The following TCEA3 variants were observed in gnomAD, a reference collection of about 807,000 sequenced individuals.
TCEA3 encodes transcription elongation factor A3.
In TCEA3, 36 loss-of-function variants were observed where a neutral mutation model predicts 44.0. The ratio of observed to expected loss-of-function variants is 0.82; its 90% CI spans 0.63 to 1.08. The LOEUF is 1.08. TCEA3 is among the 50% of genes least tolerant of loss of function. TCEA3 has a pLI of 0.00. For missense variants in TCEA3, 392 were observed against 441.2 expected (o/e 0.89, Z 1.00); for synonymous variants, 162 against 159.7 (o/e 1.01, Z -0.11).
rs1638880047 is a variant in TCEA3 at position 23,387,425 on chromosome 1, G to GA, written c.820-7dup. On this transcript the variant is annotated splice_region_variant and splice_polypyrimidine_tract_variant and intron_variant, in intron 8 of 10. Coordinates refer to ENST00000450454, the MANE Select transcript of TCEA3 (RefSeq NM_003196.3). ...AGTTCATCACTGGCCATTTCCTGGAGAAAAAAGAGTCTACCCTTCAGGGCT... is the reference window on the plus strand; with the variant it reads ...AGTTCATCACTGGCCATTTCCTGGAGAAAAAAAGAGTCTACCCTTCAGGGCT... 2.5e-6 allele frequency: 4 copies of GA among 1,590,916 alleles called. No individual in the cohort carries two copies. Among genetic ancestry groups the GA allele is most frequent in the South Asian group, 2.3e-5 (2 of 87,596 alleles).
rs1639298587 is a variant in TCEA3 at position 23,398,894 on chromosome 1, G to A, written c.444-939C>T. Among the ~76,000 whole-genome samples, 16 of 151,780 alleles carry A rather than the reference G, an allele frequency of 1.1e-4. No individual in the cohort carries two copies. In the South Asian group the frequency reaches 3.3e-3, roughly 32 times the overall value. On this transcript the variant is annotated intron_variant, in intron 5 of 10. Coordinates refer to ENST00000450454, the MANE Select transcript of TCEA3 (RefSeq NM_003196.3). ...GCAATCCTCCCACCTTAGCCTCCAA[G>A]GAGCTGGGACCACAGGAGCACGCCA...
In TCEA3 at chr1:23,399,671, T is replaced by G. The variant is rs929393817; in HGVS notation, c.444-1716A>C. 4.2e-5 allele frequency among the ~76,000 whole-genome samples: 6 copies of G among 142,660 alleles called. No homozygotes were observed. In the East Asian group the frequency reaches 1.2e-3, roughly 28 times the overall value. 93.6% of individuals were successfully genotyped at this position (142,660 alleles called of 152,430 possible). On this transcript the variant is annotated intron_variant, in intron 5 of 10. Transcript: ENST00000450454. Reference sequence around the variant, plus strand: ...TCTACTTTTGCGATGTGAGAAACCTTTTTTTTTTTTTTTTGAGAGGGTGTC... The same window carrying G: ...TCTACTTTTGCGATGTGAGAAACCTGTTTTTTTTTTTTTTGAGAGGGTGTC...
chr1:23,424,214 G>A (rs1333915090), intron 1 of TCEA3, among the ~76,000 whole-genome samples: 2 of 135,310 alleles, frequency 1.5e-5, no homozygotes, highest in African/African-American at 5.5e-5. Context: ...CACACGCCAA[G>A]CCCTGGGACT....
rs1040388970 is a variant in TCEA3, at chr1:23,424,012, G to A, written c.69+553C>T. The A allele has an allele frequency of 1.3e-5, 5 of 377,286 alleles. No homozygotes were observed. The East Asian group carries it at 3.0e-4, about 23-fold the overall frequency. 23.4% of individuals were successfully genotyped at this position (377,286 alleles called of 1,614,324 possible). A position where few individuals can be genotyped will look rare whatever the true frequency, so the allele number is the denominator to read the frequency against. On this transcript the variant is annotated intron_variant, in intron 1 of 10. Coordinates refer to ENST00000450454, the MANE Select transcript of TCEA3 (RefSeq NM_003196.3). Reference sequence around the variant, plus strand: ...CCAAGGAAAGGGAAAATTGCCAAAAGAACCGCTCCTGACGCACCAAGCGGT... The same window carrying A: ...CCAAGGAAAGGGAAAATTGCCAAAAAAACCGCTCCTGACGCACCAAGCGGT...
At chr1:23,393,160 A>G (rs967366804) in intron 8 of TCEA3, among the ~76,000 whole-genome samples, 5 of 152,024 alleles carry the variant, frequency 3.3e-5, no homozygotes, top group Admixed American at 2.6e-4. Context: ...TCGTGCTCCT[A>G]TGAGAATCTA....
Position 23,396,722 on chromosome 1 carries a change from G to A in TCEA3, c.664+823C>T, listed in dbSNP as rs145737386. 3.0e-3 allele frequency among the ~76,000 whole-genome samples: 461 copies of A among 152,186 alleles called. 1 individual carries two copies. Among genetic ancestry groups the A allele is most frequent in the Admixed American group, 6.1e-3 (93 of 15,282 alleles). On this transcript the variant is annotated intron_variant, in intron 7 of 10. Transcript: ENST00000450454. ...GGAGTAAAAAAACAGAGGGCAGGGC[G>A]CTGGGTGTGATGGCTCACACCTGTA...
intron 5 of TCEA3, among the ~76,000 whole-genome samples, chr1:23,407,278 C>A: frequency 6.6e-6 from 1 of 152,182 alleles, no homozygotes; most frequent in East Asian, 1.9e-4. Context: ...CCATTACCTC[C>A]CTGATCCAAG....
chr1:23,391,815 C>T (rs562221632), intron 8 of TCEA3, among the ~76,000 whole-genome samples: 1 of 151,910 alleles, frequency 6.6e-6, no homozygotes, highest in East Asian at 1.9e-4. Flanking sequence ...CCCAGCTACT[C>T]GGGAGGCTGA....
chr1:23,386,950 G>C (rs1414200928), intron 9 of TCEA3, among the ~76,000 whole-genome samples: 1 of 152,100 alleles, frequency 6.6e-6, no homozygotes, highest in Admixed American at 6.5e-5. Context: ...TCAATCTCCT[G>C]ACCTCGTGAT....
At chr1:23,396,814 T>C (rs964745398) in intron 7 of TCEA3, among the ~76,000 whole-genome samples, 1 of 152,098 alleles carries the variant, frequency 6.6e-6, no homozygotes, top group Admixed American at 6.6e-5. Flanking sequence ...AAGACCAGCC[T>C]GACCAACATC....
rs768229035 is a variant in TCEA3 at position 23,384,440 on chromosome 1, A to G, written c.967-23T>C. 14 of 1,610,476 alleles carry G rather than the reference A, an allele frequency of 8.7e-6. No homozygotes were observed. In the African/African-American group the frequency reaches 1.7e-4, roughly 20 times the overall value. On this transcript the variant is annotated intron_variant, in intron 9 of 10. Transcript: ENST00000450454. The stretch of plus-strand genomic sequence containing the variant: ...CACCTGAGAGAGAGAAGAACCACTC[A>G]TGAAGTCACTCCCCTGTTCTAGGAC...
In TCEA3 at chr1:23,384,408, G is replaced by C; in HGVS notation, c.976C>G (p.Arg326Gly). The change falls in exon 10 of 11, where the codon CGC (arginine) becomes GGC (glycine). Residue 326 changes from arginine (R) to glycine (G), a missense_variant. Physicochemically the swap from Arg to Gly is moderately radical, Grantham distance 125. Transcript: ENST00000450454. ...KNCTYNQVQT[R>G]SADEPMTTFV... ...GTAGTCATGGGCTCATCAGCACTGC[G>C]TGTCTGCACCTGAGAGAGAGAAGAA... 1.2e-6 allele frequency: 2 copies of C among 1,613,054 alleles called. No homozygotes were observed. Among genetic ancestry groups the C allele is most frequent in the Non-Finnish European group, 1.7e-6 (2 of 1,179,456 alleles).
At chr1:23,402,997 G>C (rs1322158759) in intron 5 of TCEA3, among the ~76,000 whole-genome samples, 3 of 152,144 alleles carry the variant, frequency 2.0e-5, no homozygotes, top group African/African-American at 4.8e-5. Context: ...CTAAGAGAGG[G>C]ATCTCTCTCT....
At chr1:23,419,529 C>G (rs968523105) in intron 1 of TCEA3, 2 of 170,492 alleles carry the variant, frequency 1.2e-5, no homozygotes, top group African/African-American at 4.7e-5. Context: ...GACTGGGAGC[C>G]TTTTAAAAAA....
In TCEA3 at chr1:23,381,491, G is replaced by T; in HGVS notation, c.1039-17C>A. ...TCAGCAGAACTACAAAACCAGAAAG[G>T]CAACAAAATTTGAAAGGTTTCTCGG... On this transcript the variant is annotated splice_polypyrimidine_tract_variant and intron_variant, in intron 10 of 10. Coordinates refer to ENST00000450454, the MANE Select transcript of TCEA3 (RefSeq NM_003196.3). 1.3e-6 allele frequency: 1 copy of T among 780,788 alleles called. No individual in the cohort carries two copies. The highest frequency in any genetic ancestry group is 1.3e-5 in the South Asian group (1 of 74,604). The allele number at this position is 780,788 out of a possible 1,614,324, so 48.4% of individuals were successfully genotyped here.
chr1:23,389,148 A>C (rs75004161), intron 8 of TCEA3, among the ~76,000 whole-genome samples: 5,420 of 152,232 alleles, frequency 0.036, 324 homozygotes, highest in African/African-American at 0.12. Flanking sequence ...AGCTGACTTT[A>C]ATTTGAGGGG....
chr1:23,402,977 C>T lies in TCEA3; in HGVS notation c.444-5022G>A, dbSNP rs536527772. On this transcript the variant is annotated intron_variant, in intron 5 of 10. Transcript: ENST00000450454. Reference sequence around the variant, plus strand: ...CCTCTTTGGAAGGACAGTGGCCCCACTCTCTGGGCCTAAGAGAGGGATCTC... The same window carrying T: ...CCTCTTTGGAAGGACAGTGGCCCCATTCTCTGGGCCTAAGAGAGGGATCTC... 2.6e-4 allele frequency among the ~76,000 whole-genome samples: 40 copies of T among 152,344 alleles called. No homozygotes were observed. In the South Asian group the frequency reaches 6.0e-3, roughly 23 times the overall value.
rs759826041 is a variant in TCEA3, at chr1:23,418,023, G to T, written c.133-14C>A. ...AATCCTGGTTGTCTGCAAAGTGAGAGGGTTAAGGCATAATCTGGGAATGGA... is the reference window on the plus strand; with the variant it reads ...AATCCTGGTTGTCTGCAAAGTGAGATGGTTAAGGCATAATCTGGGAATGGA... On this transcript the variant is annotated splice_polypyrimidine_tract_variant and intron_variant, in intron 2 of 10. Transcript: ENST00000450454. 10 of 1,613,020 alleles carry T rather than the reference G, an allele frequency of 6.2e-6. No individual in the cohort carries two copies. The South Asian group carries it at 1.1e-4, about 18-fold the overall frequency.
chr1:23,394,762 G>A (rs987975624), intron 7 of TCEA3, among the ~76,000 whole-genome samples: 6 of 152,240 alleles, frequency 3.9e-5, no homozygotes, highest in African/African-American at 1.2e-4. Flanking sequence ...AAGGGTGTAG[G>A]ACCTTGCTCA....
Sources: gnomAD v4.1 joint callset for allele counts (sites outside exome capture counted in the v4.1 genomes callset) on GRCh38, gnomAD v4.1.1 for gene constraint, MANE v1.5 for transcripts, NCBI Gene and HGNC (gene_info 2026-07-23, HGNC 2026-07-21) for gene names.